Variants in ESYT1 observed in about 807,000 individuals in gnomAD.
The protein encoded by ESYT1 is extended synaptotagmin-1.
ESYT1 carries 116 observed loss-of-function variants against 154.2 expected under a neutral mutation model. The ratio of observed to expected loss-of-function variants is 0.75; its 90% CI spans 0.65 to 0.88. The LOEUF is 0.88. Among genes scored for constraint, ESYT1 ranks in the 40% least tolerant of loss-of-function variants. The pLI, the probability that ESYT1 is intolerant of heterozygous loss-of-function variation, is 0.00. For synonymous variants in ESYT1, 500 were observed against 539.9 expected (o/e 0.93, Z 1.02); for missense variants, 1,264 against 1,379.3 (o/e 0.92, Z 1.32).
intron 8 of ESYT1, 44 bp from the exon 9 acceptor site, chr12:56,132,377 C>A: frequency 1.2e-6 from 2 of 1,614,064 alleles, no homozygotes. Flanking sequence ...TCAGGAACCC[C>A]TTGCTGGGTC....
rs781099713 is a variant in ESYT1, at chr12:56,134,437, A to C, written c.1632+9A>C. On this transcript the variant is annotated intron_variant, in intron 15 of 30. Transcript: ENST00000394048. The stretch of plus-strand genomic sequence containing the variant: ...AGGAGCTCGATGTGCAAGTGAGATA[A>C]TCACCTCTTCATCCCCTCCCGAATA... 3.7e-6 allele frequency: 6 copies of C among 1,611,188 alleles called. No homozygotes were observed. Among genetic ancestry groups the C allele is most frequent in the Non-Finnish European group, 5.1e-6 (6 of 1,177,512 alleles).
chr12:56,136,950 A>G (rs983421048), intron 16 of ESYT1, 57 bp downstream of exon 16: 11 of 1,527,104 alleles, frequency 7.2e-6, no homozygotes, highest in East Asian at 2.3e-5. Context: ...ATTCTTTGGT[A>G]TTAAGAGTAA....
intron 24 of ESYT1, among the ~76,000 whole-genome samples, chr12:56,140,429 G>A (rs188707580): frequency 3.2e-4 from 48 of 152,056 alleles, no homozygotes; most frequent in Middle Eastern, 3.4e-3. Context: ...ACAGTGATAC[G>A]ATCTCAGCTC....
intron 15 of ESYT1, among the ~76,000 whole-genome samples, chr12:56,135,932 G>C (rs1870432229): frequency 6.6e-6 from 1 of 151,156 alleles, no homozygotes; most frequent in South Asian, 2.1e-4. Flanking sequence ...GTGGTGGCAT[G>C]TGTCAGTAAT....
rs1870345652 is a variant in ESYT1, at chr12:56,133,955, G to T, written c.1473+82G>T. 3.9e-6 allele frequency: 6 copies of T among 1,542,908 alleles called. No individual in the cohort carries two copies. The Admixed American group carries it at 6.7e-5, about 17-fold the overall frequency. The stretch of plus-strand genomic sequence containing the variant: ...GCTGAGGATGCAAATGTCCCTGCCT[G>T]CTTTGCTCCAGAAGTATCAGCATGT... On this transcript the variant is annotated intron_variant, in intron 13 of 30. Transcript: ENST00000394048.
At position 56,136,449 on chromosome 12, in the gene ESYT1, G is replaced by A. The variant is rs370131721; in HGVS notation, c.1633-295G>A. On this transcript the variant is annotated intron_variant, in intron 15 of 30. Transcript: ENST00000394048. ...ACTAAAAAATACAAAAATTTAGCTG[G>A]GCGTGACGGCATGCGCCTGTAGTCC... Among the ~76,000 whole-genome samples, 62 of 152,176 alleles carry A rather than the reference G, an allele frequency of 4.1e-4. 1 individual carries two copies. In the East Asian group the frequency reaches 8.1e-3, roughly 20 times the overall value.
chr12:56,131,417 T>C (rs1870230081), intron 5 of ESYT1, 60 bp from the exon 6 acceptor site: 1 of 1,610,642 alleles, frequency 6.2e-7, no homozygotes. Flanking sequence ...TGAGAAAGTC[T>C]GGGAGGACAG....
chr12:56,138,802 C>A lies in ESYT1; in HGVS notation c.2468C>A (p.Ala823Asp), dbSNP rs1402227862. The change falls in exon 23 of 31, where the codon GCT (alanine) becomes GAT (aspartate). Residue 823 changes from alanine to aspartate, a missense_variant. Physicochemically the swap from Ala to Asp is moderately radical, Grantham distance 126. Coordinates refer to ENST00000394048, the MANE Select transcript of ESYT1 (RefSeq NM_015292.3). The stretch of plus-strand genomic sequence containing the variant: ...GGCACCAAGCACCTCAGCCCTTATG[C>A]TACTCTCACTGTGGGAGATAGTTCT... ...RKGTKHLSPYATLTVGDSSHK... is the reference protein window; with the variant it reads ...RKGTKHLSPYDTLTVGDSSHK... 1 of 1,614,062 alleles carries A rather than the reference C, an allele frequency of 6.2e-7. No homozygotes were observed. The highest frequency in any genetic ancestry group is 1.3e-5 in the African/African-American group (1 of 74,926).
chr12:56,141,689 G>A (rs907833012), intron 24 of ESYT1, among the ~76,000 whole-genome samples: 4 of 152,158 alleles, frequency 2.6e-5, no homozygotes, highest in African/African-American at 7.2e-5. Flanking sequence ...GCAGTGAGCT[G>A]AGATTGCGCC....
intron 24 of ESYT1, among the ~76,000 whole-genome samples, chr12:56,141,946 A>G (rs1206608449): frequency 6.6e-6 from 1 of 151,758 alleles, no homozygotes. Context: ...TAAAAATACA[A>G]AATTGGCTGG....
At chr12:56,140,821 T>C (rs756343990) in intron 24 of ESYT1, among the ~76,000 whole-genome samples, 6 of 152,136 alleles carry the variant, frequency 3.9e-5, no homozygotes, top group Non-Finnish European at 7.4e-5. Context: ...GACTAAAGCC[T>C]GATGGGATTT....
chr12:56,131,175 T>C, intron 4 of ESYT1, 62 bp downstream of exon 4: 2 of 1,613,190 alleles, frequency 1.2e-6, no homozygotes, highest in Non-Finnish European at 1.7e-6. Context: ...TCCAGGCTAC[T>C]TCACTCCCCC....
Position 56,143,252 on chromosome 12 carries a change from T to C in ESYT1, c.3144T>C (p.Asp1048=). The C allele has an allele frequency of 6.2e-7, 1 of 1,614,148 alleles. No individual in the cohort carries two copies. Among genetic ancestry groups the C allele is most frequent in the Non-Finnish European group, 8.5e-7 (1 of 1,180,008 alleles). The change falls in exon 29 of 31, where the codon GAT becomes GAC. Residue 1048 remains aspartate (D), a synonymous_variant. Coordinates refer to ENST00000394048, the MANE Select transcript of ESYT1 (RefSeq NM_015292.3). ...GGTTTGAGTGGGAACTCCCCCTGGA[T>C]GAGGCCCAGAGACGAAAGCTGGATG... is the stretch of plus-strand genomic sequence containing the variant. ...NERFEWELPL[D]EAQRRKLDVS...
At chr12:56,138,677 G>T in intron 22 of ESYT1, 91 bp from the exon 23 acceptor site, 1 of 1,372,510 alleles carries the variant, frequency 7.3e-7, no homozygotes, top group Non-Finnish European at 1.0e-6. Context: ...AGTAATAATG[G>T]AGACATGGCT....
chr12:56,133,157 A>G (rs1016468773), intron 10 of ESYT1, among the ~76,000 whole-genome samples: 1 of 152,072 alleles, frequency 6.6e-6, no homozygotes, highest in African/African-American at 2.4e-5. Flanking sequence ...AATAAAGCCC[A>G]TGCTACCGAG....
In ESYT1 at chr12:56,137,652, C is replaced by A; in HGVS notation, c.2092C>A (p.Pro698Thr). The A allele has an allele frequency of 6.2e-7, 1 of 1,614,074 alleles. No individual in the cohort carries two copies. The highest frequency in any genetic ancestry group is 8.5e-7 in the Non-Finnish European group (1 of 1,179,984). The change falls in exon 18 of 31, where the codon CCC becomes ACC. Residue 698 changes from proline (P) to threonine (T), a missense_variant. Transcript: ENST00000394048. ...CCATGTTGTTCGGGAAGATCTCAATCCCCGCTGGAATGAGGTTTTTGAGGT... is the reference window on the plus strand; with the variant it reads ...CCATGTTGTTCGGGAAGATCTCAATACCCGCTGGAATGAGGTTTTTGAGGT... ...RSHVVREDLNPRWNEVFEVIV... is the reference protein window; with the variant it reads ...RSHVVREDLNTRWNEVFEVIV...
intron 10 of ESYT1, among the ~76,000 whole-genome samples, chr12:56,133,024 CAGG>C (rs1870304400): frequency 6.6e-6 from 1 of 151,884 alleles, no homozygotes; most frequent in African/African-American, 2.4e-5. Context: ...GAGGCTGAGG[CAGG>C]AGAATGGTGG....
At chr12:56,137,092 A>G in intron 16 of ESYT1, 126 bp from the exon 17 acceptor site, 1 of 1,357,168 alleles carries the variant, frequency 7.4e-7, no homozygotes. Context: ...AACCCTGTAG[A>G]GATGAGCCCA....
intron 1 of ESYT1, 48 bp downstream of exon 1, chr12:56,128,757 C>T (rs1415797166): frequency 6.2e-7 from 1 of 1,604,414 alleles, no homozygotes; most frequent in Non-Finnish European, 8.5e-7. Flanking sequence ...CCCTTCCACC[C>T]CTTCCATCTG....
Sources: allele counts gnomAD v4.1 joint callset (sites outside exome capture counted in the v4.1 genomes callset), GRCh38; gene constraint gnomAD v4.1.1; transcripts MANE v1.5; gene names NCBI Gene and HGNC (gene_info 2026-07-23, HGNC 2026-07-21).